Variants in MAX observed in about 807,000 individuals in gnomAD.
MAX encodes protein max.
Under a neutral mutation model 22.3 loss-of-function variants are expected in MAX, and 3 were observed. The ratio of observed to expected loss-of-function variants is 0.13; its 90% CI spans 0.06 to 0.35. The LOEUF is 0.35. MAX is among the 10% of genes least tolerant of loss of function. The pLI is 1.00. For missense variants in MAX, 119 were observed against 209.4 expected (o/e 0.57, Z 2.66); for synonymous variants, 72 against 77.7 (o/e 0.93, Z 0.39).
intron 3 of MAX, among the ~76,000 whole-genome samples, chr14:65,008,615 A>G (rs2061632873): frequency 1.3e-5 from 2 of 152,240 alleles, no homozygotes; most frequent in African/African-American, 2.4e-5. Context: ...CTGTAGGTGG[A>G]ATAGGGGTGG....
intron 3 of MAX, among the ~76,000 whole-genome samples, chr14:65,039,589 C>G (rs2062296837): frequency 6.6e-6 from 1 of 152,148 alleles, no homozygotes; most frequent in South Asian, 2.1e-4. Flanking sequence ...TGTTGCCCCT[C>G]TCCCATCCCT....
rs2061614682 is a variant in MAX, at chr14:65,007,607, G to A, written c.172-1323C>T. Among the ~76,000 whole-genome samples, 1 of 152,202 alleles carries A rather than the reference G, an allele frequency of 6.6e-6. No individual in the cohort carries two copies. The highest frequency in any genetic ancestry group is 6.5e-5 in the Admixed American group (1 of 15,280). On this transcript the variant is annotated intron_variant, in intron 3 of 3. Coordinates refer to the MAX transcript ENST00000341653. The surrounding 1 kb of genome is among the most constrained non-coding windows in gnomAD (Gnocchi z 4.9). ...GATTTTCTTCTCTAAGGTTGGGACT[G>A]TCTACCTGGAGTGAGGTAGTCAGTC...
At chr14:65,055,068 C>T (rs1419445729) in intron 3 of MAX, among the ~76,000 whole-genome samples, 3 of 152,216 alleles carry the variant, frequency 2.0e-5, no homozygotes, top group African/African-American at 4.8e-5. Context: ...TACAGCCTGC[C>T]GCGTCTCTCC....
rs968217932 is a variant in MAX, at chr14:65,069,214, G to T, written c.171+24494C>A. Among the ~76,000 whole-genome samples the T allele has an allele frequency of 6.6e-5, 10 of 152,312 alleles. No individual in the cohort carries two copies. The highest frequency in any genetic ancestry group is 6.5e-4 in the Admixed American group (10 of 15,294). ...ATCGTGACCCAACCTGTGCAGAGCAGATGGCTCTGGCCCACCCTCCCTTCA... is the reference window on the plus strand; with the variant it reads ...ATCGTGACCCAACCTGTGCAGAGCATATGGCTCTGGCCCACCCTCCCTTCA... On this transcript the variant is annotated intron_variant, in intron 3 of 3. Coordinates refer to the MAX transcript ENST00000341653. This position sits in a 1 kb window ranked among gnomAD's most constrained non-coding sequence, Gnocchi z 4.6.
chr14:65,070,070 G>A lies in MAX; in HGVS notation c.171+23638C>T, dbSNP rs938042812. ...GCACTGTGCATGGGAGCCATGGGCT[G>A]CCGGGCTGCCAGGCTGCCAGCCGGA... On this transcript the variant is annotated intron_variant, in intron 3 of 3. Transcript: ENST00000341653. This position sits in a 1 kb window ranked among gnomAD's most constrained non-coding sequence, Gnocchi z 4.4. 6.6e-6 allele frequency among the ~76,000 whole-genome samples: 1 copy of A among 151,434 alleles called. No individual in the cohort carries two copies. The highest frequency in any genetic ancestry group is 2.4e-5 in the African/African-American group (1 of 41,414).
chr14:65,096,785 T>A (rs1294428552), intron 2 of MAX, among the ~76,000 whole-genome samples: 3 of 152,162 alleles, frequency 2.0e-5, no homozygotes, highest in African/African-American at 4.8e-5. Context: ...AGAATGATGT[T>A]CAGTAATGAA....
chr14:65,100,320 C>T (rs954868687), intron 2 of MAX, among the ~76,000 whole-genome samples: 1 of 152,024 alleles, frequency 6.6e-6, no homozygotes, highest in Non-Finnish European at 1.5e-5. Context: ...TGTGGTGGCA[C>T]GCGCCTGTAG....
At chr14:65,083,646 C>T in intron 3 of MAX, 1 of 859,102 alleles carries the variant, frequency 1.2e-6, no homozygotes, top group Non-Finnish European at 1.4e-6. Context: ...TCTTCAGTGC[C>T]CAAAACAGAT....
chr14:65,095,279 T>C (rs1052851763), intron 2 of MAX, among the ~76,000 whole-genome samples: 2 of 152,188 alleles, frequency 1.3e-5, no homozygotes, highest in African/African-American at 2.4e-5. Context: ...ATCTCTCTTT[T>C]TGGGGCAGAT....
intron 3 of MAX, among the ~76,000 whole-genome samples, chr14:65,035,832 CTT>C (rs879845454): frequency 2.1e-5 from 3 of 144,718 alleles, no homozygotes; most frequent in African/African-American, 2.5e-5. Flanking sequence ...CTGCGCCCAG[CTT>C]TTTTTTTTTT....
At chr14:65,059,260 C>G (rs2062809098) in intron 3 of MAX, among the ~76,000 whole-genome samples, 1 of 151,962 alleles carries the variant, frequency 6.6e-6, no homozygotes, top group African/African-American at 2.4e-5. Context: ...TGGCCTCAAG[C>G]TATCCTACCT....
chr14:65,102,594 C>G, upstream of MAX: 5 of 1,409,922 alleles, frequency 3.5e-6, no homozygotes, highest in Non-Finnish European at 3.7e-6. Flanking sequence ...CTGGGGCAGC[C>G]GAGACTTGTA....
At chr14:65,050,471 A>AT in intron 3 of MAX, among the ~76,000 whole-genome samples, 1 of 152,208 alleles carries the variant, frequency 6.6e-6, no homozygotes, top group South Asian at 2.1e-4. Flanking sequence ...TGTACCTGTA[A>AT]TCCAAGGTAC....
intron 3 of MAX, chr14:65,053,356 GT>G: frequency 7.1e-7 from 1 of 1,416,216 alleles, no homozygotes; most frequent in Non-Finnish European, 9.3e-7. Context: ...GCAAGTGAGT[GT>G]TTTCTCTCTG....
At position 65,032,522 on chromosome 14, in the gene MAX, G is replaced by T; in HGVS notation, c.172-26238C>A. On this transcript the variant is annotated intron_variant, in intron 3 of 3. Coordinates refer to the MAX transcript ENST00000341653. The surrounding 1 kb of genome is among the most constrained non-coding windows in gnomAD (Gnocchi z 5.0). The stretch of plus-strand genomic sequence containing the variant: ...ACAGGAGGTGATTACAGCTTACTAG[G>T]CAAGGCGAGCAGTCCGCCCGCGGAG... 1.4e-6 allele frequency: 2 copies of T among 1,443,968 alleles called. No homozygotes were observed. Among genetic ancestry groups the T allele is most frequent in the Non-Finnish European group, 1.9e-6 (2 of 1,067,512 alleles). The allele number at this position is 1,443,968 out of a possible 1,614,324, so 89.4% of individuals were successfully genotyped here.
intron 3 of MAX, among the ~76,000 whole-genome samples, chr14:65,052,663 TATG>T (rs2062642413): frequency 6.6e-6 from 1 of 152,300 alleles, no homozygotes; most frequent in South Asian, 2.1e-4. Flanking sequence ...TAGGGTATCA[TATG>T]ATGCAGGAGG....
rs185680426 is a variant in MAX at position 65,102,095 on chromosome 14, C to A, written c.36+209G>T. On this transcript the variant is annotated intron_variant, in intron 1 of 4. Coordinates refer to ENST00000358664, the MANE Select transcript of MAX (RefSeq NM_002382.5). Reference sequence around the variant, plus strand: ...GGTGGGGGTCCCAGAAGCCGCGTGTCTTCCCCCAACCTCCAGTCCCAGGAG... The same window carrying A: ...GGTGGGGGTCCCAGAAGCCGCGTGTATTCCCCCAACCTCCAGTCCCAGGAG... Among the ~76,000 whole-genome samples the A allele has an allele frequency of 2.7e-3, 405 of 152,314 alleles. 3 individuals are homozygous for A. Among genetic ancestry groups the A allele is most frequent in the African/African-American group, 9.1e-3 (377 of 41,588 alleles).
chr14:65,049,358 T>C (rs1040820165), intron 3 of MAX, among the ~76,000 whole-genome samples: 22 of 152,180 alleles, frequency 1.4e-4, no homozygotes, highest in African/African-American at 4.8e-4. Context: ...GGAAAGACTT[T>C]TGATTTTTTT....
chr14:65,084,060 C>T lies in MAX; in HGVS notation c.172-6024G>A. ...CCTTGAAGGCTTCCTGCTGCCAGGG[C>T]CTCCCCAGCCACAGGACCATTTTGC... On this transcript the variant is annotated intron_variant, in intron 3 of 4. Coordinates refer to ENST00000358664, the MANE Select transcript of MAX (RefSeq NM_002382.5). The surrounding 1 kb of genome is among the most constrained non-coding windows in gnomAD (Gnocchi z 4.3). 1 of 1,594,942 alleles carries T rather than the reference C, an allele frequency of 6.3e-7. No individual in the cohort carries two copies. The highest frequency in any genetic ancestry group is 1.1e-5 in the South Asian group (1 of 89,966).
Sources: allele counts gnomAD v4.1 joint callset (sites outside exome capture counted in the v4.1 genomes callset), GRCh38; gene constraint gnomAD v4.1.1; non-coding constraint Gnocchi (gnomAD v3.1); transcripts MANE v1.5; gene names NCBI Gene and HGNC (gene_info 2026-07-23, HGNC 2026-07-21).